ROBO2: variants seen among roughly 807,000 people sequenced by gnomAD.
ROBO2 encodes roundabout homolog 2.
ROBO2 carries 53 observed loss-of-function variants against 160.8 expected under a neutral mutation model. The observed-to-expected ratio is 0.33, with a 90% CI of 0.26 to 0.41. The LOEUF is 0.41. Among genes scored for constraint, ROBO2 ranks in the 10% least tolerant of loss-of-function variants. The pLI, the probability that ROBO2 is intolerant of heterozygous loss-of-function variation, is 1.00. For synonymous variants in ROBO2, 664 were observed against 611.7 expected (o/e 1.09, Z -1.26); for missense variants, 1,577 against 1,722.4 (o/e 0.92, Z 1.49).
At chr3:76,871,682 AATTG>A (rs1298521367) in intron 2 of ROBO2, among the ~76,000 whole-genome samples, 4 of 152,252 alleles carry the variant, frequency 2.6e-5, no homozygotes, top group Non-Finnish European at 4.4e-5. Context: ...AAATTAACTA[AATTG>A]ATTGGGAGCC....
intron 2 of ROBO2, among the ~76,000 whole-genome samples, chr3:76,726,868 G>T (rs971355025): frequency 6.6e-6 from 1 of 152,090 alleles, no homozygotes; most frequent in Non-Finnish European, 1.5e-5. Context: ...AAGCTATCTC[G>T]TACAGCTACA....
At chr3:77,533,692 CCT>C (rs2091910109) in intron 6 of ROBO2, among the ~76,000 whole-genome samples, 2 of 152,098 alleles carry the variant, frequency 1.3e-5, no homozygotes, top group Admixed American at 1.3e-4. Context: ...CTCTCCGAGG[CCT>C]CTTTCTGATT....
chr3:76,244,325 A>G (rs1005077452), intron 2 of ROBO2, among the ~76,000 whole-genome samples: 9 of 152,300 alleles, frequency 5.9e-5, no homozygotes, highest in African/African-American at 1.9e-4. Flanking sequence ...ATTTGGTGCT[A>G]TGTCCCCTTT....
intron 2 of ROBO2, among the ~76,000 whole-genome samples, chr3:75,995,716 T>C (rs1312243731): frequency 6.6e-6 from 1 of 152,030 alleles, no homozygotes; most frequent in Non-Finnish European, 1.5e-5. Context: ...CTGCAGACAC[T>C]GAAAGCCAGC....
chr3:75,909,441 A>G (rs1158582741), intron 1 of ROBO2, among the ~76,000 whole-genome samples: 2 of 152,198 alleles, frequency 1.3e-5, no homozygotes, highest in Non-Finnish European at 2.9e-5. Context: ...CATATTATAT[A>G]CATAAAATTG....
At chr3:77,033,535 A>T (rs2063451730) in intron 2 of ROBO2, among the ~76,000 whole-genome samples, 10 of 152,134 alleles carry the variant, frequency 6.6e-5, no homozygotes, top group Admixed American at 6.5e-4. Flanking sequence ...TAATAGGTTA[A>T]GTTACAACCT....
Position 76,531,851 on chromosome 3 carries a change from C to T in ROBO2, c.110-566163C>T, listed in dbSNP as rs372353485. Among the ~76,000 whole-genome samples, 24 of 152,180 alleles carry T rather than the reference C, an allele frequency of 1.6e-4. No homozygotes were observed. The East Asian group carries it at 1.9e-3, about 12-fold the overall frequency. On this transcript the variant is annotated intron_variant, in intron 2 of 26. Transcript: ENST00000487694. Reference sequence around the variant, plus strand: ...TTTTATGCACCAGGACTATGCAGAACGTTTTACTGTCATTATCATATTTAA... The same window carrying T: ...TTTTATGCACCAGGACTATGCAGAATGTTTTACTGTCATTATCATATTTAA...
At chr3:76,705,402 G>C (rs1483703709) in intron 2 of ROBO2, among the ~76,000 whole-genome samples, 1 of 152,026 alleles carries the variant, frequency 6.6e-6, no homozygotes, top group Non-Finnish European at 1.5e-5. Context: ...TGATAAATAC[G>C]TAAAGGGGTA....
At chr3:77,021,133 C>T (rs1458359463) in intron 2 of ROBO2, among the ~76,000 whole-genome samples, 1 of 151,816 alleles carries the variant, frequency 6.6e-6, no homozygotes, top group Non-Finnish European at 1.5e-5. Context: ...CCTGGGAGGT[C>T]GAGGTTGCAG....
At chr3:77,036,088 C>G (rs934543711), upstream of ROBO2, among the ~76,000 whole-genome samples, 1 of 151,872 alleles carries the variant, frequency 6.6e-6, no homozygotes, top group African/African-American at 2.4e-5. Flanking sequence ...AAATCAATCT[C>G]AAGTTCTTGA....
intron 2 of ROBO2, among the ~76,000 whole-genome samples, chr3:76,135,537 A>G (rs1301062482): frequency 1.3e-5 from 2 of 152,160 alleles, no homozygotes; most frequent in Non-Finnish European, 2.9e-5. Flanking sequence ...AATTTTGTTC[A>G]GTAAAGGGAA....
At chr3:76,609,282 G>A (rs2087894613) in intron 2 of ROBO2, among the ~76,000 whole-genome samples, 1 of 152,124 alleles carries the variant, frequency 6.6e-6, no homozygotes, top group Admixed American at 6.6e-5. Context: ...ATAATTTGAA[G>A]TTAGGTAGTG....
intron 2 of ROBO2, among the ~76,000 whole-genome samples, chr3:77,119,327 A>G (rs1204130231): frequency 2.0e-5 from 3 of 152,322 alleles, no homozygotes; most frequent in Non-Finnish European, 4.4e-5. Flanking sequence ...GCACCTAAAC[A>G]TGTGTAAACG....
chr3:77,512,429 G>C (rs1561041120), intron 5 of ROBO2, among the ~76,000 whole-genome samples: 1 of 151,936 alleles, frequency 6.6e-6, no homozygotes, highest in Non-Finnish European at 1.5e-5. Context: ...AGCGTGCCTT[G>C]AATAAATTTG....
intron 2 of ROBO2, among the ~76,000 whole-genome samples, chr3:76,807,655 A>G (rs1162449722): frequency 3.3e-5 from 5 of 151,996 alleles, no homozygotes; most frequent in Non-Finnish European, 7.4e-5. Context: ...ATTCCCATGA[A>G]AAGTGTTAAT....
intron 2 of ROBO2, among the ~76,000 whole-genome samples, chr3:76,013,171 A>C (rs2066258177): frequency 6.9e-6 from 1 of 145,204 alleles, no homozygotes; most frequent in Non-Finnish European, 1.5e-5. Flanking sequence ...ACGGTGGCTT[A>C]TGCGTGTAAT....
chr3:76,461,917 C>T (rs771490400), intron 2 of ROBO2, among the ~76,000 whole-genome samples: 1 of 152,084 alleles, frequency 6.6e-6, no homozygotes, highest in Non-Finnish European at 1.5e-5. Context: ...AGAGCAAAAA[C>T]TTTAACGTAA....
At chr3:76,793,971 T>C (rs2063529006) in intron 2 of ROBO2, among the ~76,000 whole-genome samples, 1 of 152,018 alleles carries the variant, frequency 6.6e-6, no homozygotes, top group Non-Finnish European at 1.5e-5. Context: ...ATTTGTTGCC[T>C]TCTTGAAAGT....
At chr3:76,284,762 C>T (rs1458290857) in intron 2 of ROBO2, among the ~76,000 whole-genome samples, 1 of 152,072 alleles carries the variant, frequency 6.6e-6, no homozygotes, top group African/African-American at 2.4e-5. Context: ...TTTGATTCTT[C>T]ACCTGATTCC....
Sources: allele counts gnomAD v4.1 joint callset (sites outside exome capture counted in the v4.1 genomes callset), GRCh38; gene constraint gnomAD v4.1.1; transcripts MANE v1.5; gene names NCBI Gene and HGNC (gene_info 2026-07-23, HGNC 2026-07-21).